SLC44A1: variants seen among roughly 807,000 people sequenced by gnomAD.
The protein encoded by SLC44A1 is solute carrier family 44 member 1.
Under a neutral mutation model 79.3 loss-of-function variants are expected in SLC44A1, and 26 were observed. The ratio of observed to expected loss-of-function variants is 0.33; its 90% CI spans 0.24 to 0.46. The LOEUF (loss-of-function observed/expected upper bound fraction) is 0.46. Ranked by LOEUF, SLC44A1 falls within the 20% of genes least tolerant of loss-of-function variation. The probability of loss-of-function intolerance (pLI) is 1.00; values close to 1 mark genes in which losing one functional copy is unlikely to be tolerated. For missense variants in SLC44A1, 688 were observed against 798.1 expected (o/e 0.86, Z 1.66); for synonymous variants, 263 against 286.2 (o/e 0.92, Z 0.82).
At chr9:105,245,979 T>C (rs937702973) in intron 1 of SLC44A1, among the ~76,000 whole-genome samples, 3 of 152,206 alleles carry the variant, frequency 2.0e-5, no homozygotes, top group Non-Finnish European at 4.4e-5. Flanking sequence ...TGCATCAAAC[T>C]GTCTTGTGGT....
chr9:105,308,126 A>G (rs1178063531), intron 2 of SLC44A1, among the ~76,000 whole-genome samples: 1 of 152,206 alleles, frequency 6.6e-6, no homozygotes, highest in African/African-American at 2.4e-5. Context: ...GCACAGAATT[A>G]AGTAAGTTTG....
At chr9:105,355,204 G>T (rs994240621) in intron 5 of SLC44A1, among the ~76,000 whole-genome samples, 2 of 152,136 alleles carry the variant, frequency 1.3e-5, no homozygotes, top group African/African-American at 4.8e-5. Flanking sequence ...ACAACCAAAG[G>T]CATATTCGTA....
intron 1 of SLC44A1, among the ~76,000 whole-genome samples, chr9:105,278,332 T>C (rs1830261300): frequency 6.6e-6 from 1 of 152,166 alleles, no homozygotes; most frequent in South Asian, 2.1e-4. Flanking sequence ...CACTGCAAAC[T>C]CCGCCTCCCG....
intron 3 of SLC44A1, among the ~76,000 whole-genome samples, chr9:105,332,118 C>CTTTT (rs34173274): frequency 1.2e-4 from 15 of 128,232 alleles, no homozygotes; most frequent in Non-Finnish European, 1.8e-4. Flanking sequence ...TTCTTTGTTT[C>CTTTT]TTTTTTTTTT....
At chr9:105,302,366 T>A (rs969965305) in intron 2 of SLC44A1, among the ~76,000 whole-genome samples, 1 of 152,078 alleles carries the variant, frequency 6.6e-6, no homozygotes, top group African/African-American at 2.4e-5. Flanking sequence ...TCTTTTCTTT[T>A]TTTTTGAGAC....
intron 3 of SLC44A1, among the ~76,000 whole-genome samples, chr9:105,323,971 T>C (rs1826482529): frequency 6.6e-6 from 1 of 152,140 alleles, no homozygotes; most frequent in Non-Finnish European, 1.5e-5. Context: ...GTCCTTTGAC[T>C]CCTGTACTTT....
rs760532547 is a variant in SLC44A1 at position 105,362,895 on chromosome 9, C to T, written c.975C>T (p.Gly325=). 6.2e-7 allele frequency: 1 copy of T among 1,613,816 alleles called. No individual in the cohort carries two copies. Among genetic ancestry groups the T allele is most frequent in the South Asian group, 1.1e-5 (1 of 90,962 alleles). ...ALTIALFHVA[G]KVFIHLPLLV... is the part of the protein sequence containing the mutation. The stretch of plus-strand genomic sequence containing the variant: ...CCATCGCCTTGTTCCACGTAGCTGG[C>T]AAGGTCTTCATTCACTTGCCACTGC... The change falls in exon 9 of 16, where the codon GGC becomes GGT. Residue 325 remains glycine, a synonymous_variant. Coordinates refer to ENST00000374720, the MANE Select transcript of SLC44A1 (RefSeq NM_080546.5).
intron 5 of SLC44A1, 148 bp from the exon 6 acceptor site, chr9:105,356,064 A>G (rs1052462045): frequency 2.3e-5 from 15 of 645,168 alleles, no homozygotes; most frequent in Non-Finnish European, 3.2e-5. Flanking sequence ...TCCTCATAGC[A>G]TTAAGCACAC....
At chr9:105,400,528 C>T (rs2417641), downstream of SLC44A1, among the ~76,000 whole-genome samples, 1 of 151,798 alleles carries the variant, frequency 6.6e-6, no homozygotes, top group South Asian at 2.1e-4. Context: ...TAAACTACAA[C>T]ATGTCAATGT....
At chr9:105,362,045 T>G (rs1827795844) in intron 8 of SLC44A1, among the ~76,000 whole-genome samples, 1 of 151,594 alleles carries the variant, frequency 6.6e-6, no homozygotes, top group Middle Eastern at 3.2e-3. Flanking sequence ...TATGTGTGTT[T>G]GTGTGTGCGT....
intron 14 of SLC44A1, among the ~76,000 whole-genome samples, chr9:105,384,132 A>G (rs532841320): frequency 3.3e-5 from 5 of 152,256 alleles, no homozygotes; most frequent in Non-Finnish European, 7.4e-5. Flanking sequence ...ATTTTCCAGG[A>G]GCATATTTTA....
Position 105,393,095 on chromosome 9 carries a change from G to C in SLC44A1, c.*4039G>C, listed in dbSNP as rs898598355. On this transcript the variant is annotated 3_prime_UTR_variant, in exon 16 of 16. Coordinates refer to ENST00000374720, the MANE Select transcript of SLC44A1 (RefSeq NM_080546.5). The stretch of plus-strand genomic sequence containing the variant: ...GCACTATAATGGCTTGCCTAGAACT[G>C]GTAAGAAGTGGTCTGTGAATGTATA... 6 of 985,210 alleles carry C rather than the reference G, an allele frequency of 6.1e-6. No homozygotes were observed. In the African/African-American group the frequency reaches 7.0e-5, roughly 11 times the overall value. The allele number at this position is 985,210 out of a possible 1,614,324, so 61.0% of individuals were successfully genotyped here. A position where few individuals can be genotyped will look rare whatever the true frequency, so the allele number is the denominator to read the frequency against.
intron 5 of SLC44A1, among the ~76,000 whole-genome samples, chr9:105,352,898 A>G (rs1175718228): frequency 1.3e-5 from 2 of 152,156 alleles, no homozygotes; most frequent in Non-Finnish European, 2.9e-5. Context: ...TGGCTGGCAG[A>G]GTTGTTTTTG....
chr9:105,304,949 T>TTTTTG lies in SLC44A1; in HGVS notation c.127-4771_127-4770insGTTTT, dbSNP rs1564426102. On this transcript the variant is annotated intron_variant, in intron 2 of 15. Coordinates refer to ENST00000374720, the MANE Select transcript of SLC44A1 (RefSeq NM_080546.5). The stretch of plus-strand genomic sequence containing the variant: ...TATTCCCTAGACTTTCTATCGTTTT[T>TTTTTG]TTTTTTTTTTTTTTTTTTTTTTTTT... 1.0e-4 allele frequency among the ~76,000 whole-genome samples: 7 copies of TTTTTG among 69,636 alleles called. 1 individual carries two copies. In the East Asian group the frequency reaches 1.0e-3, roughly 10 times the overall value. The allele number at this position is 69,636 out of a possible 152,430, so 45.7% of individuals were successfully genotyped here.
chr9:105,296,439 T>C (rs899293701), intron 1 of SLC44A1, among the ~76,000 whole-genome samples: 1 of 152,196 alleles, frequency 6.6e-6, no homozygotes, highest in African/African-American at 2.4e-5. Context: ...CTCTGTATGT[T>C]ATAGATGAAA....
At chr9:105,305,005 C>T (rs1830988853) in intron 2 of SLC44A1, among the ~76,000 whole-genome samples, 1 of 104,056 alleles carries the variant, frequency 9.6e-6, no homozygotes, top group Non-Finnish European at 1.7e-5. Flanking sequence ...AGGTCTCACT[C>T]TATTGCCCAG....
rs968683034 is a variant in SLC44A1, at chr9:105,374,863, T to A, written c.1632+128T>A. On this transcript the variant is annotated intron_variant, in intron 13 of 15. Coordinates refer to ENST00000374720, the MANE Select transcript of SLC44A1 (RefSeq NM_080546.5). ...TATATAGCGAGTACTTAGAAAGCCCTTACTGTGTGTCCAGCATTGTGATAA... is the reference window on the plus strand; with the variant it reads ...TATATAGCGAGTACTTAGAAAGCCCATACTGTGTGTCCAGCATTGTGATAA... 7.6e-6 allele frequency: 5 copies of A among 660,914 alleles called. No individual in the cohort carries two copies. The African/African-American group carries it at 9.1e-5, about 12-fold the overall frequency. The allele number at this position is 660,914 out of a possible 1,614,324, so 40.9% of individuals were successfully genotyped here.
At chr9:105,349,900 C>T (rs780529364) in intron 5 of SLC44A1, among the ~76,000 whole-genome samples, 2 of 152,150 alleles carry the variant, frequency 1.3e-5, no homozygotes, top group South Asian at 2.1e-4. Flanking sequence ...CATCCTTCCC[C>T]GCCTCTGACC....
intron 15 of SLC44A1, among the ~76,000 whole-genome samples, chr9:105,405,337 T>C (rs1829016368): frequency 6.7e-6 from 1 of 149,294 alleles, no homozygotes; most frequent in Non-Finnish European, 1.5e-5. Context: ...AAAAAAAAGC[T>C]AATGGTGGGA....
Sources: gnomAD v4.1 joint callset for allele counts (sites outside exome capture counted in the v4.1 genomes callset) on GRCh38, gnomAD v4.1.1 for gene constraint, MANE v1.5 for transcripts, NCBI Gene and HGNC (gene_info 2026-07-23, HGNC 2026-07-21) for gene names.